The following TMEM132E variants were observed in gnomAD, a reference collection of about 807,000 sequenced individuals.
The protein encoded by TMEM132E is transmembrane protein 132E.
TMEM132E carries 49 observed loss-of-function variants against 78.5 expected under a neutral mutation model. That is an observed-to-expected ratio of 0.62 (90% confidence interval 0.50 to 0.79). The LOEUF is 0.79. TMEM132E is among the 30% of genes least tolerant of loss of function. TMEM132E has a pLI of 0.00. For synonymous variants in TMEM132E, 715 were observed against 670.6 expected, an observed-to-expected ratio of 1.07 and a Z score of -1.02; for missense variants, 1,403 against 1,470.9, an observed-to-expected ratio of 0.95 and a Z score of 0.75.
chr17:34,626,038 G>A, intron 1 of TMEM132E, 89 bp from the exon 2 acceptor site: 1 of 1,232,410 alleles, frequency 8.1e-7, no homozygotes, highest in Non-Finnish European at 1.1e-6. Flanking sequence ...GCCCTCTGTG[G>A]GGTGGGAGAG....
chr17:34,621,307 C>CT lies in TMEM132E; in HGVS notation c.68-4818dup, dbSNP rs530084999. 1.4e-4 allele frequency among the ~76,000 whole-genome samples: 22 copies of CT among 152,260 alleles called. 1 individual carries two copies. In the South Asian group the frequency reaches 4.4e-3, roughly 30 times the overall value. On this transcript the variant is annotated intron_variant, in intron 1 of 8. Transcript: ENST00000631683. ...AGGATTGATTTCTGGTGAGGGTTGT[C>CT]TTCCTGGCTCGTAGACAGCTACCTT...
At chr17:34,634,199 C>T (rs117778195) in intron 6 of TMEM132E, among the ~76,000 whole-genome samples, 186 of 152,328 alleles carry the variant, frequency 1.2e-3, no homozygotes, top group Middle Eastern at 3.4e-3. Context: ...TTTTTTGCAA[C>T]GTGCACAGGC....
intron 1 of TMEM132E, among the ~76,000 whole-genome samples, chr17:34,615,723 A>G (rs2142070890): frequency 6.6e-6 from 1 of 151,708 alleles, no homozygotes; most frequent in East Asian, 1.9e-4. Context: ...CCCCAGTCAG[A>G]GCACAAGAGG....
chr17:34,637,636 T>C lies in TMEM132E; in HGVS notation c.2629T>C (p.Phe877Leu). The C allele has an allele frequency of 6.2e-7, 1 of 1,606,078 alleles. No homozygotes were observed. The highest frequency in any genetic ancestry group is 1.1e-5 in the South Asian group (1 of 90,950). ...AGACTTCCTGCCGCTGCCCACCGGC[T>C]TCCTGCAGGTGCCACGGGGTCTGAC... ...TEDFLPLPTGFLQVPRGLTDL... is the reference protein window; with the variant it reads ...TEDFLPLPTGLLQVPRGLTDL... Residue 877 changes from phenylalanine to leucine, a missense_variant, in exon 9 of 9, where the codon TTC (phenylalanine) becomes CTC (leucine). By Grantham distance (22) the Phe-to-Leu change is conservative. Transcript: ENST00000631683.
chr17:34,585,332 C>A (rs1490632850), intron 1 of TMEM132E, among the ~76,000 whole-genome samples: 1 of 152,096 alleles, frequency 6.6e-6, no homozygotes, highest in African/African-American at 2.4e-5. Context: ...ACTGACAGAC[C>A]CTGGACTTGA....
chr17:34,612,207 CT>C (rs1906612973), intron 1 of TMEM132E, among the ~76,000 whole-genome samples: 1 of 152,194 alleles, frequency 6.6e-6, no homozygotes, highest in Non-Finnish European at 1.5e-5. Flanking sequence ...TGACCTGGCC[CT>C]GAGTTGGAGG....
intron 1 of TMEM132E, among the ~76,000 whole-genome samples, chr17:34,625,624 G>A (rs924934266): frequency 3.4e-5 from 5 of 146,624 alleles, no homozygotes; most frequent in Admixed American, 3.3e-4. Context: ...TCAGAGCATT[G>A]ATCTGAGGAT....
chr17:34,633,857 G>A lies in TMEM132E; in HGVS notation c.1689-942G>A, dbSNP rs112108261. On this transcript the variant is annotated intron_variant, in intron 6 of 8. Coordinates refer to ENST00000631683, the MANE Select transcript of TMEM132E (RefSeq NM_001304438.2). Reference sequence around the variant, plus strand: ...CCAGCTCCTGGGTGATAGCGATACTGCTTTGAGTAGCAAGGATGTAGCGGA... The same window carrying A: ...CCAGCTCCTGGGTGATAGCGATACTACTTTGAGTAGCAAGGATGTAGCGGA... Among the ~76,000 whole-genome samples the A allele has an allele frequency of 3.5e-3, 538 of 152,334 alleles. 7 individuals are homozygous for A. The highest frequency in any genetic ancestry group is 0.013 in the African/African-American group (521 of 41,578).
chr17:34,581,734 T>A (rs937963969), intron 1 of TMEM132E, among the ~76,000 whole-genome samples: 1 of 151,676 alleles, frequency 6.6e-6, no homozygotes, highest in Non-Finnish European at 1.5e-5. Flanking sequence ...GGCGGGGGTC[T>A]GGGCACCCGC....
chr17:34,625,725 C>T (rs897024368), intron 1 of TMEM132E, among the ~76,000 whole-genome samples: 3 of 152,308 alleles, frequency 2.0e-5, no homozygotes, highest in Non-Finnish European at 4.4e-5. Flanking sequence ...CCACTCAGCC[C>T]TCTATGCGCA....
chr17:34,587,216 C>A (rs1283171116), intron 1 of TMEM132E, among the ~76,000 whole-genome samples: 2 of 152,172 alleles, frequency 1.3e-5, no homozygotes, highest in Non-Finnish European at 2.9e-5. Flanking sequence ...GGGGCCCTGG[C>A]CCTGAGAGAA....
Position 34,626,250 on chromosome 17 carries a change from C to A in TMEM132E, c.191C>A (p.Pro64Gln), listed in dbSNP as rs539445182. The A allele has an allele frequency of 1.3e-6, 2 of 1,599,872 alleles. No homozygotes were observed. The highest frequency in any genetic ancestry group is 1.3e-5 in the African/African-American group (1 of 74,862). ...TTCTTCCTGCGGGAGGCGCGGCCCC[C>A]GTCACCCGCGGTCGCCAACAGCTCT... ...LAFFLREARP[P>Q]SPAVANSSLQ... The change falls in exon 2 of 9, where the codon CCG becomes CAG. Residue 64 changes from proline to glutamine, a missense_variant. Pro to Gln is a moderately conservative substitution (Grantham distance 76). Transcript: ENST00000631683.
intron 6 of TMEM132E, among the ~76,000 whole-genome samples, chr17:34,633,240 C>G (rs990401401): frequency 6.6e-6 from 1 of 152,234 alleles, no homozygotes; most frequent in African/African-American, 2.4e-5. Flanking sequence ...CCTCTCCCTC[C>G]AGGAGAAGTC....
chr17:34,627,270 C>T (rs151042720), intron 2 of TMEM132E, among the ~76,000 whole-genome samples: 100 of 152,338 alleles, frequency 6.6e-4, no homozygotes, highest in African/African-American at 2.4e-3. Flanking sequence ...TGGCAACAAA[C>T]ATTCCTGCCC....
rs748901233 is a variant in TMEM132E, at chr17:34,636,010, G to A, written c.1981G>A (p.Val661Met). The A allele has an allele frequency of 1.4e-6, 2 of 1,480,794 alleles. No homozygotes were observed. Among genetic ancestry groups the A allele is most frequent in the Non-Finnish European group, 1.8e-6 (2 of 1,114,698 alleles). 91.7% of individuals were successfully genotyped at this position (1,480,794 alleles called of 1,614,324 possible). ...CCCCGGTCCCGCTCTGCCTCAGGTG[G>A]TGTCTCCGCTGACGGAGGCTGTGCT... ...LEPGTTPFKV[V>M]SPLTEAVLGE... Residue 661 changes from valine to methionine, a missense_variant, in exon 8 of 9, where the codon GTG becomes ATG. Val to Met is a conservative substitution (Grantham distance 21). Transcript: ENST00000631683.
Position 34,598,501 on chromosome 17 carries a change from GA to G in TMEM132E, c.67+17359del, listed in dbSNP as rs138498162. Among the ~76,000 whole-genome samples, 1,412 of 152,248 alleles carry G rather than the reference GA, an allele frequency of 9.3e-3. 19 individuals are homozygous for G. Among genetic ancestry groups the G allele is most frequent in the African/African-American group, 0.032 (1,343 of 41,530 alleles). Reference sequence around the variant, plus strand: ...TAGGACTGGAATAAGTCCAGCCCCTGATTAGAAATGCAGGCCCCAGGGAAGC... The same window carrying G: ...TAGGACTGGAATAAGTCCAGCCCCTGTTAGAAATGCAGGCCCCAGGGAAGC... On this transcript the variant is annotated intron_variant, in intron 1 of 8. Coordinates refer to ENST00000631683, the MANE Select transcript of TMEM132E (RefSeq NM_001304438.2).
chr17:34,603,008 T>G (rs1906289278), intron 1 of TMEM132E, among the ~76,000 whole-genome samples: 1 of 152,126 alleles, frequency 6.6e-6, no homozygotes. Context: ...GAGGTGGCAT[T>G]GCCTCCCAGG....
intron 1 of TMEM132E, among the ~76,000 whole-genome samples, chr17:34,611,824 C>T (rs1906603018): frequency 6.6e-6 from 1 of 152,198 alleles, no homozygotes; most frequent in Non-Finnish European, 1.5e-5. Flanking sequence ...CCATCCTCCA[C>T]CCCCAACAGA....
chr17:34,609,465 G>T (rs534698734), intron 1 of TMEM132E, among the ~76,000 whole-genome samples: 10 of 152,304 alleles, frequency 6.6e-5, no homozygotes, highest in African/African-American at 2.4e-4. Flanking sequence ...CCCAGGACCT[G>T]ACAGATTGCT....
Sources: allele counts gnomAD v4.1 joint callset (sites outside exome capture counted in the v4.1 genomes callset), GRCh38; gene constraint gnomAD v4.1.1; transcripts MANE v1.5; gene names NCBI Gene and HGNC (gene_info 2026-07-23, HGNC 2026-07-21).